The following PSMA6 variants were observed in gnomAD, a reference collection of about 807,000 sequenced individuals.
The protein encoded by PSMA6 is proteasome 20S subunit alpha 6, also known as proteasome subunit alpha type-6.
For missense variants in PSMA6, 170 were observed against 294.8 expected (o/e 0.58, Z 3.10); for synonymous variants, 88 against 97.7 (o/e 0.90, Z 0.59).
upstream of PSMA6, chr14:35,292,349 A>T (rs71640265): frequency 2.0e-6 from 3 of 1,520,896 alleles, no homozygotes; most frequent in East Asian, 7.0e-5. Context: ...TGAGTTCGGC[A>T]TGCAAGAGCG....
At chr14:35,297,881 T>C (rs2051630050) in intron 1 of PSMA6, among the ~76,000 whole-genome samples, 3 of 152,076 alleles carry the variant, frequency 2.0e-5, no homozygotes, top group Admixed American at 2.0e-4. Context: ...CCCAGAGAAA[T>C]TGAGGAAGTG....
intron 6 of PSMA6, chr14:35,314,949 G>GTGTGTGTGTA (rs1555338348): frequency 2.8e-5 from 4 of 142,792 alleles, no homozygotes; most frequent in African/African-American, 5.4e-5. Context: ...GTTGCTGGAT[G>GTGTGTGTGTA]TGTGTGTGTG....
chr14:35,283,601 G>A (rs2051391865), intron 1 of PSMA6, among the ~76,000 whole-genome samples: 1 of 149,138 alleles, frequency 6.7e-6, no homozygotes, highest in African/African-American at 2.5e-5. Context: ...TGTTGCCCAG[G>A]CTGGAGTGCC....
chr14:35,305,202 G>C (rs1170554601), intron 1 of PSMA6, among the ~76,000 whole-genome samples: 1 of 151,428 alleles, frequency 6.6e-6, no homozygotes, highest in African/African-American at 2.4e-5. Context: ...GAGTACGGTG[G>C]TGTGAGCACG....
In PSMA6 at chr14:35,310,568, T is replaced by G. The variant is rs78290003; in HGVS notation, c.254-172T>G. Among the ~76,000 whole-genome samples the G allele has an allele frequency of 6.2e-3, 951 of 152,342 alleles. 11 individuals are homozygous for G. Among genetic ancestry groups the G allele is most frequent in the African/African-American group, 0.022 (899 of 41,582 alleles). On this transcript the variant is annotated intron_variant, in intron 3 of 6. Transcript: ENST00000261479. Reference sequence around the variant, plus strand: ...TTCATGTTTTTAAATTTTTTTCATATACTTGTTGATGAGTTATTTAGTATT... The same window carrying G: ...TTCATGTTTTTAAATTTTTTTCATAGACTTGTTGATGAGTTATTTAGTATT...
upstream of PSMA6, among the ~76,000 whole-genome samples, chr14:35,289,271 T>C (rs2051451845): frequency 6.6e-6 from 1 of 152,190 alleles, no homozygotes; most frequent in African/African-American, 2.4e-5. Context: ...CAAAAATCCT[T>C]GCCATCACAG....
intron 1 of PSMA6, among the ~76,000 whole-genome samples, chr14:35,298,448 C>T (rs574338104): frequency 7.0e-4 from 107 of 151,810 alleles, no homozygotes; most frequent in African/African-American, 2.4e-3. Flanking sequence ...TGAGATCGCA[C>T]TGCTGCACTC....
chr14:35,287,802 A>G (rs1053957746), upstream of PSMA6, among the ~76,000 whole-genome samples: 2 of 152,222 alleles, frequency 1.3e-5, no homozygotes, highest in African/African-American at 4.8e-5. Flanking sequence ...TTAGAGCTGC[A>G]GTATTGGTAC....
At chr14:35,314,309 C>A (rs371080957) in intron 5 of PSMA6, 52 bp from the exon 6 acceptor site, 3 of 1,479,402 alleles carry the variant, frequency 2.0e-6, no homozygotes, top group African/African-American at 2.8e-5. Flanking sequence ...AATGAGAAAA[C>A]CTTGGAATCT....
At chr14:35,305,468 C>T (rs1453929010) in intron 1 of PSMA6, among the ~76,000 whole-genome samples, 1 of 152,216 alleles carries the variant, frequency 6.6e-6, no homozygotes, top group African/African-American at 2.4e-5. Flanking sequence ...TTTCTAGAAT[C>T]ATTTTTGCTC....
intron 1 of PSMA6, among the ~76,000 whole-genome samples, chr14:35,306,683 G>A (rs1159175828): frequency 6.6e-6 from 1 of 152,142 alleles, no homozygotes; most frequent in Non-Finnish European, 1.5e-5. Flanking sequence ...CTCCAGCCTG[G>A]GTGACAGAGC....
intron 1 of PSMA6, among the ~76,000 whole-genome samples, chr14:35,281,136 C>T (rs939870834): frequency 6.6e-6 from 1 of 152,136 alleles, no homozygotes; most frequent in African/African-American, 2.4e-5. Context: ...CCTCTCAAAG[C>T]ATTCATGGGA....
intron 1 of PSMA6, among the ~76,000 whole-genome samples, chr14:35,295,251 C>T (rs894141371): frequency 4.6e-5 from 7 of 151,322 alleles, no homozygotes; most frequent in African/African-American, 1.5e-4. Context: ...GCACAAGAAT[C>T]GCTTGAACCT....
intron 1 of PSMA6, among the ~76,000 whole-genome samples, chr14:35,283,931 C>G: frequency 6.6e-6 from 1 of 152,106 alleles, no homozygotes; most frequent in East Asian, 1.9e-4. Context: ...TACCCCAGTT[C>G]AGGCCTTCAA....
At chr14:35,308,143 C>G in intron 2 of PSMA6, 55 bp downstream of exon 2, 3 of 1,590,426 alleles carry the variant, frequency 1.9e-6, no homozygotes, top group Non-Finnish European at 1.7e-6. Flanking sequence ...ATTTTTCAGC[C>G]AAGTGCAGTG....
At position 35,306,800 on chromosome 14, in the gene PSMA6, T is replaced by A. The variant is rs181808504; in HGVS notation, c.77-1194T>A. On this transcript the variant is annotated intron_variant, in intron 1 of 6. Coordinates refer to ENST00000261479, the MANE Select transcript of PSMA6 (RefSeq NM_002791.3). ...ATTTTGATCCTAGTGTTTTAACCAATAGAATGGATTGACAGCAGCTAGAAG... is the reference window on the plus strand; with the variant it reads ...ATTTTGATCCTAGTGTTTTAACCAAAAGAATGGATTGACAGCAGCTAGAAG... 2.6e-4 allele frequency among the ~76,000 whole-genome samples: 39 copies of A among 152,244 alleles called. 1 individual carries two copies. The South Asian group carries it at 6.2e-3, about 24-fold the overall frequency.
intron 1 of PSMA6, among the ~76,000 whole-genome samples, chr14:35,284,363 T>C (rs1161237855): frequency 6.6e-6 from 1 of 152,186 alleles, no homozygotes; most frequent in Non-Finnish European, 1.5e-5. Flanking sequence ...GACATGCATC[T>C]TCCAACAGGT....
At chr14:35,311,851 G>T (rs2051950418) in intron 4 of PSMA6, among the ~76,000 whole-genome samples, 1 of 152,130 alleles carries the variant, frequency 6.6e-6, no homozygotes, top group Non-Finnish European at 1.5e-5. Context: ...TGAGCAGGTA[G>T]CCTGTAAGTG....
chr14:35,311,296 A>G (rs1204801049), intron 4 of PSMA6, among the ~76,000 whole-genome samples: 1 of 152,224 alleles, frequency 6.6e-6, no homozygotes, highest in African/African-American at 2.4e-5. Flanking sequence ...ACAGGTGTGT[A>G]ATTCACATTT....
Sources: gnomAD v4.1 joint callset for allele counts (sites outside exome capture counted in the v4.1 genomes callset) on GRCh38, gnomAD v4.1.1 for gene constraint, MANE v1.5 for transcripts, NCBI Gene and HGNC (gene_info 2026-07-23, HGNC 2026-07-21) for gene names.